The following CPEB2 variants were observed in gnomAD, a reference collection of about 807,000 sequenced individuals.
CPEB2 encodes cytoplasmic polyadenylation element-binding protein 2.
Under a neutral mutation model 93.6 loss-of-function variants are expected in CPEB2, and 56 were observed. The ratio of observed to expected loss-of-function variants is 0.60; its 90% CI spans 0.48 to 0.75. The LOEUF (loss-of-function observed/expected upper bound fraction) is 0.75, where lower values mean the gene tolerates loss of function less well. CPEB2 is among the 30% of genes least tolerant of loss of function. CPEB2 has a pLI of 0.00. For synonymous variants in CPEB2, 764 were observed against 586.3 expected, an observed-to-expected ratio of 1.30 and a Z score of -4.38; for missense variants, 1,579 against 1,395.1, an observed-to-expected ratio of 1.13 and a Z score of -2.10.
intron 10 of CPEB2, among the ~76,000 whole-genome samples, chr4:15,060,888 A>G (rs1729131588): frequency 6.6e-6 from 1 of 152,122 alleles, no homozygotes; most frequent in African/African-American, 2.4e-5. Flanking sequence ...TTAGTGATGG[A>G]GGTGAGGCAA....
At chr4:15,040,319 TTA>T in intron 5 of CPEB2, 143 bp from the exon 6 acceptor site, 2 of 633,936 alleles carry the variant, frequency 3.2e-6, no homozygotes, top group Non-Finnish European at 5.4e-6. Flanking sequence ...CATTTAAATC[TTA>T]TATGGTGACA....
chr4:15,030,921 G>C (rs1464680096), intron 4 of CPEB2, among the ~76,000 whole-genome samples: 1 of 152,044 alleles, frequency 6.6e-6, no homozygotes, highest in African/African-American at 2.4e-5. Flanking sequence ...AAATGAACAG[G>C]AACCTATTAG....
chr4:15,036,685 C>T (rs944497407), intron 5 of CPEB2, among the ~76,000 whole-genome samples: 4 of 151,984 alleles, frequency 2.6e-5, no homozygotes, highest in African/African-American at 9.7e-5. Flanking sequence ...TCAAGAGAAA[C>T]AAATAGAGCA....
In CPEB2 at chr4:15,066,459, G is replaced by C; in HGVS notation, c.*79G>C. 1 of 1,009,710 alleles carries C rather than the reference G, an allele frequency of 9.9e-7. No homozygotes were observed. Among genetic ancestry groups the C allele is most frequent in the Non-Finnish European group, 1.5e-6 (1 of 662,998 alleles). 62.5% of individuals were successfully genotyped at this position (1,009,710 alleles called of 1,614,324 possible). ...CTGTGTCTGAAGATACTGACATGCA[G>C]AAGAAATAAGTGCATTCTTCTGCTT... is the stretch of plus-strand genomic sequence containing the variant. On this transcript the variant is annotated 3_prime_UTR_variant, in exon 12 of 12. Coordinates refer to ENST00000538197, the MANE Select transcript of CPEB2 (RefSeq NM_001177382.2).
chr4:15,065,347 G>A (rs564081663), intron 11 of CPEB2, among the ~76,000 whole-genome samples: 4 of 152,144 alleles, frequency 2.6e-5, no homozygotes, highest in African/African-American at 9.6e-5. Flanking sequence ...GAGCTGTTAT[G>A]CTGTCTGGCA....
chr4:15,014,334 A>T (rs1188344265), intron 3 of CPEB2, among the ~76,000 whole-genome samples: 4 of 152,222 alleles, frequency 2.6e-5, no homozygotes, highest in South Asian at 2.1e-4. Context: ...AAAGTATTTT[A>T]AAGTATTTAC....
chr4:15,038,650 G>A (rs372373802), intron 5 of CPEB2, among the ~76,000 whole-genome samples: 4 of 150,294 alleles, frequency 2.7e-5, no homozygotes, highest in Non-Finnish European at 3.0e-5. Context: ...TTGCAGTGGC[G>A]CTATCTCATC....
chr4:15,048,063 G>A (rs190218069), intron 6 of CPEB2, among the ~76,000 whole-genome samples: 2 of 151,680 alleles, frequency 1.3e-5, no homozygotes, highest in African/African-American at 4.8e-5. Flanking sequence ...TCAATCTTAC[G>A]TTCCTGGGGT....
At chr4:15,024,482 C>T (rs1019027618) in intron 4 of CPEB2, among the ~76,000 whole-genome samples, 1 of 152,050 alleles carries the variant, frequency 6.6e-6, no homozygotes, top group African/African-American at 2.4e-5. Context: ...ATTCTGAATC[C>T]TGTTCATTTG....
chr4:15,056,591 T>A (rs1728733314), intron 8 of CPEB2, among the ~76,000 whole-genome samples: 1 of 152,194 alleles, frequency 6.6e-6, no homozygotes. Context: ...AAGACCAGTA[T>A]CCCCAAACCT....
At chr4:15,035,201 GTCTTTTTT>G (rs1037760047) in intron 5 of CPEB2, among the ~76,000 whole-genome samples, 4 of 141,730 alleles carry the variant, frequency 2.8e-5, no homozygotes, top group African/African-American at 9.8e-5. Flanking sequence ...TTTTGCATCA[GTCTTTTTT>G]TCTTTTTTTT....
In CPEB2 at chr4:15,008,389, A is replaced by G; in HGVS notation, c.1996A>G (p.Ser666Gly). ...TTGGGGCTCAGATTCACTCCAAGAT[A>G]GTTGGTGCACTGCAGCCGGAACATC... ...PAWGSDSLQD[S>G]WCTAAGTSRI... Residue 666 changes from serine to glycine, a missense_variant, in exon 3 of 12, where the codon AGT becomes GGT. Transcript: ENST00000538197. 1.2e-6 allele frequency: 2 copies of G among 1,613,934 alleles called. No homozygotes were observed.
rs1023661737 is a variant in CPEB2, at chr4:15,003,417, C to T, written c.744C>T (p.Asp248=). 7 of 1,358,894 alleles carry T rather than the reference C, an allele frequency of 5.2e-6. No individual in the cohort carries two copies. The highest frequency in any genetic ancestry group is 6.6e-6 in the Non-Finnish European group (7 of 1,066,242). 84.2% of individuals were successfully genotyped at this position (1,358,894 alleles called of 1,614,324 possible). A position where few individuals can be genotyped will look rare whatever the true frequency, so the allele number is the denominator to read the frequency against. ...ATCAGCAGCACCTCTCGCCGCAGGA[C>T]TTCGCCCCGCGGCAGCGTCCGGCAG... ...LLHQQHLSPQ[D]FAPRQRPADL... is the part of the protein sequence containing the mutation. Residue 248 remains aspartate, a synonymous_variant, in exon 1 of 12, where the codon GAC becomes GAT. Coordinates refer to ENST00000538197, the MANE Select transcript of CPEB2 (RefSeq NM_001177382.2).
intron 4 of CPEB2, among the ~76,000 whole-genome samples, chr4:15,021,694 T>A (rs955565831): frequency 2.0e-5 from 3 of 152,172 alleles, no homozygotes; most frequent in Non-Finnish European, 4.4e-5. Flanking sequence ...CAGTGTTTCA[T>A]GAGCAGTTAA....
intron 3 of CPEB2, among the ~76,000 whole-genome samples, chr4:15,016,426 T>C (rs1020502772): frequency 5.9e-5 from 9 of 151,992 alleles, no homozygotes; most frequent in Admixed American, 1.3e-4. Flanking sequence ...AGTGAAGGGA[T>C]TGAACATTCA....
chr4:15,033,826 G>A (rs17384057), intron 5 of CPEB2, among the ~76,000 whole-genome samples: 3,192 of 152,294 alleles, frequency 0.021, 93 homozygotes, highest in Non-Finnish European at 0.025. Flanking sequence ...AGAGATGGAA[G>A]ATTAAAATAT....
chr4:15,050,100 C>T (rs546202895), intron 6 of CPEB2, among the ~76,000 whole-genome samples: 73 of 152,296 alleles, frequency 4.8e-4, no homozygotes, highest in African/African-American at 1.5e-3. Context: ...AACATAAAAC[C>T]GATACTGGTC....
chr4:15,054,102 A>T (rs1728501376), intron 7 of CPEB2, 26 bp from the exon 8 acceptor site: 1 of 1,475,364 alleles, frequency 6.8e-7, no homozygotes, highest in African/African-American at 1.4e-5. Flanking sequence ...ACTAATTTCT[A>T]ATGTGTATTA....
Position 15,028,752 on chromosome 4 carries a change from G to A in CPEB2, c.2126-4409G>A, listed in dbSNP as rs549152644. On this transcript the variant is annotated intron_variant, in intron 4 of 11. Coordinates refer to ENST00000538197, the MANE Select transcript of CPEB2 (RefSeq NM_001177382.2). Reference sequence around the variant, plus strand: ...GTATTTCAAGCAGAAAAAAAAGGAAGTAGGAAGATCCTGAAAAGGGATTAC... The same window carrying A: ...GTATTTCAAGCAGAAAAAAAAGGAAATAGGAAGATCCTGAAAAGGGATTAC... Among the ~76,000 whole-genome samples the A allele has an allele frequency of 3.3e-5, 5 of 152,074 alleles. No homozygotes were observed. The East Asian group carries it at 9.7e-4, about 30-fold the overall frequency.
Sources: gnomAD v4.1 joint callset for allele counts (sites outside exome capture counted in the v4.1 genomes callset) on GRCh38, gnomAD v4.1.1 for gene constraint, MANE v1.5 for transcripts, NCBI Gene and HGNC (gene_info 2026-07-23, HGNC 2026-07-21) for gene names.